The following LRMDA variants were observed in gnomAD, a reference collection of about 807,000 sequenced individuals.
LRMDA encodes leucine rich melanocyte differentiation associated, also known as leucine-rich melanocyte differentiation-associated protein.
Under a neutral mutation model 29.8 loss-of-function variants are expected in LRMDA, and 18 were observed. The ratio of observed to expected loss-of-function variants is 0.60; its 90% CI spans 0.42 to 0.90. The LOEUF is 0.90. LRMDA is among the 40% of genes least tolerant of loss of function. The pLI, the probability that LRMDA is intolerant of heterozygous loss-of-function variation, is 0.00. For missense variants in LRMDA, 273 were observed against 273.9 expected, an observed-to-expected ratio of 1.00 and a Z score of 0.02; for synonymous variants, 125 against 109.4, an observed-to-expected ratio of 1.14 and a Z score of -0.89.
intron 2 of LRMDA, among the ~76,000 whole-genome samples, chr10:75,624,199 G>T (rs1156259142): frequency 1.3e-5 from 2 of 152,086 alleles, no homozygotes; most frequent in Non-Finnish European, 2.9e-5. Flanking sequence ...TCTCTTTCTG[G>T]ATCTTGGTTG....
intron 2 of LRMDA, among the ~76,000 whole-genome samples, chr10:75,726,653 G>T (rs1842634524): frequency 6.6e-6 from 1 of 152,164 alleles, no homozygotes; most frequent in South Asian, 2.1e-4. Context: ...TGATACAGAG[G>T]TTTCTGGAGT....
At chr10:75,489,520 T>C (rs576414900) in intron 2 of LRMDA, among the ~76,000 whole-genome samples, 5 of 152,348 alleles carry the variant, frequency 3.3e-5, no homozygotes, top group African/African-American at 9.6e-5. Flanking sequence ...TGAGAGGAAG[T>C]TGGGCCCTGT....
At chr10:75,625,026 C>T (rs1482067631) in intron 2 of LRMDA, among the ~76,000 whole-genome samples, 1 of 152,150 alleles carries the variant, frequency 6.6e-6, no homozygotes, top group African/African-American at 2.4e-5. Flanking sequence ...GAAGTTTGCA[C>T]ATTCATAAGT....
At chr10:76,155,905 A>G (rs923292685) in intron 5 of LRMDA, among the ~76,000 whole-genome samples, 1 of 152,236 alleles carries the variant, frequency 6.6e-6, no homozygotes, top group African/African-American at 2.4e-5. Context: ...CAAATATCTT[A>G]AAATGTGGCT....
At chr10:75,784,802 A>G (rs929088674) in intron 2 of LRMDA, among the ~76,000 whole-genome samples, 2 of 152,188 alleles carry the variant, frequency 1.3e-5, no homozygotes, top group Non-Finnish European at 2.9e-5. Context: ...AATGCATGAT[A>G]ATGGTATACT....
intron 2 of LRMDA, among the ~76,000 whole-genome samples, chr10:75,646,671 T>A (rs1362338496): frequency 6.6e-6 from 1 of 152,224 alleles, no homozygotes; most frequent in Non-Finnish European, 1.5e-5. Flanking sequence ...CAGCCCCCTC[T>A]ACGGAACAAA....
At chr10:75,992,761 A>G (rs539917930) in intron 2 of LRMDA, among the ~76,000 whole-genome samples, 1 of 151,990 alleles carries the variant, frequency 6.6e-6, no homozygotes, top group African/African-American at 2.4e-5. Context: ...GCTGGCTTGC[A>G]TTGAGCCTGT....
intron 2 of LRMDA, among the ~76,000 whole-genome samples, chr10:75,938,614 AGT>A (rs1846336259): frequency 1.3e-5 from 2 of 152,180 alleles, no homozygotes; most frequent in Non-Finnish European, 2.9e-5. Flanking sequence ...TGTAATTTAC[AGT>A]GTGTTATCTT....
At chr10:75,466,401 G>T (rs1268462171) in intron 2 of LRMDA, among the ~76,000 whole-genome samples, 5 of 152,066 alleles carry the variant, frequency 3.3e-5, no homozygotes, top group Non-Finnish European at 7.4e-5. Context: ...GGGTCTGTGG[G>T]GGAAGCCTCT....
At chr10:76,249,365 C>T (rs1242382952) in intron 5 of LRMDA, among the ~76,000 whole-genome samples, 4 of 152,110 alleles carry the variant, frequency 2.6e-5, no homozygotes, top group Admixed American at 1.3e-4. Context: ...GTGTTTTAGT[C>T]CTATTAAATT....
chr10:75,598,086 A>G (rs1236537536), intron 2 of LRMDA, among the ~76,000 whole-genome samples: 1 of 152,192 alleles, frequency 6.6e-6, no homozygotes, highest in African/African-American at 2.4e-5. Flanking sequence ...CAAACCTTAA[A>G]TGACACGTTG....
chr10:75,774,192 A>G (rs1043846885), intron 2 of LRMDA, among the ~76,000 whole-genome samples: 2 of 152,198 alleles, frequency 1.3e-5, no homozygotes, highest in African/African-American at 4.8e-5. Flanking sequence ...AAAATAATTT[A>G]TCTCACACTT....
chr10:75,562,375 A>G (rs1217892811), intron 2 of LRMDA, among the ~76,000 whole-genome samples: 1 of 151,390 alleles, frequency 6.6e-6, no homozygotes, highest in South Asian at 2.1e-4. Flanking sequence ...TTTGTTTTCC[A>G]TTTGCTTGGT....
At chr10:76,508,024 A>G (rs879195753) in intron 6 of LRMDA, among the ~76,000 whole-genome samples, 3 of 152,170 alleles carry the variant, frequency 2.0e-5, no homozygotes, top group East Asian at 3.9e-4. Context: ...TTTATGCAAT[A>G]TCCCTCAATT....
chr10:76,121,138 G>A (rs997062313), intron 5 of LRMDA, among the ~76,000 whole-genome samples: 1 of 151,886 alleles, frequency 6.6e-6, no homozygotes, highest in African/African-American at 2.4e-5. Context: ...CTAGGAAATG[G>A]GAGAGACCTA....
chr10:75,739,347 C>G (rs1244617701), intron 2 of LRMDA, among the ~76,000 whole-genome samples: 1 of 152,230 alleles, frequency 6.6e-6, no homozygotes, highest in Non-Finnish European at 1.5e-5. Flanking sequence ...TTTCTCCTCA[C>G]CCCCTCCTCG....
At chr10:76,301,265 C>T (rs1442657168) in intron 5 of LRMDA, among the ~76,000 whole-genome samples, 2 of 152,106 alleles carry the variant, frequency 1.3e-5, no homozygotes, top group African/African-American at 4.8e-5. Flanking sequence ...CAATTACAGA[C>T]AACAAGGAAA....
chr10:76,446,018 C>T (rs190951730), intron 6 of LRMDA, among the ~76,000 whole-genome samples: 1 of 152,174 alleles, frequency 6.6e-6, no homozygotes, highest in Non-Finnish European at 1.5e-5. Flanking sequence ...CAAATATTGT[C>T]ATGCATTTGG....
At chr10:76,116,928 T>C (rs766330826) in intron 5 of LRMDA, among the ~76,000 whole-genome samples, 13 of 152,182 alleles carry the variant, frequency 8.5e-5, no homozygotes, top group Non-Finnish European at 1.3e-4. Context: ...TCCAGGGCTC[T>C]CTTGGGTAAC....
Sources: allele counts gnomAD v4.1 joint callset (sites outside exome capture counted in the v4.1 genomes callset), GRCh38; gene constraint gnomAD v4.1.1; transcripts MANE v1.5; gene names NCBI Gene and HGNC (gene_info 2026-07-23, HGNC 2026-07-21).